The following SEMA5A variants were observed in gnomAD, a reference collection of about 807,000 sequenced individuals.
SEMA5A encodes the protein semaphorin-5A.
SEMA5A carries 55 observed loss-of-function variants against 135.5 expected under a neutral mutation model. The observed-to-expected ratio is 0.41, with a 90% CI of 0.33 to 0.51. The LOEUF is 0.51. Among genes scored for constraint, SEMA5A ranks in the 20% least tolerant of loss-of-function variants. SEMA5A has a pLI of 0.37. For missense variants in SEMA5A, 1,290 were observed against 1,419.9 expected (o/e 0.91, Z 1.47); for synonymous variants, 580 against 546.5 (o/e 1.06, Z -0.85).
At chr5:9,105,727 T>A (rs1259799194) in intron 16 of SEMA5A, among the ~76,000 whole-genome samples, 1 of 152,196 alleles carries the variant, frequency 6.6e-6, no homozygotes, top group Non-Finnish European at 1.5e-5. Context: ...CCTCTTGTTA[T>A]CCAGCCACAC....
At chr5:9,199,821 C>T (rs978411228) in intron 9 of SEMA5A, among the ~76,000 whole-genome samples, 1 of 152,106 alleles carries the variant, frequency 6.6e-6, no homozygotes, top group Non-Finnish European at 1.5e-5. Flanking sequence ...TTAGAGACTC[C>T]ATTGTAGTAG....
At chr5:9,422,990 G>A (rs1757522307) in intron 2 of SEMA5A, among the ~76,000 whole-genome samples, 1 of 152,190 alleles carries the variant, frequency 6.6e-6, no homozygotes, top group Non-Finnish European at 1.5e-5. Flanking sequence ...TTGCAAGCCA[G>A]CGTTAAAGAC....
At chr5:9,538,060 C>G (rs1351195788) in intron 1 of SEMA5A, among the ~76,000 whole-genome samples, 1 of 152,110 alleles carries the variant, frequency 6.6e-6, no homozygotes, top group Non-Finnish European at 1.5e-5. Context: ...TTTTAATACA[C>G]TAAACAGATG....
At chr5:9,531,027 C>A (rs896059512) in intron 1 of SEMA5A, among the ~76,000 whole-genome samples, 7 of 152,154 alleles carry the variant, frequency 4.6e-5, no homozygotes, top group Non-Finnish European at 1.0e-4. Flanking sequence ...ATCCTGACTG[C>A]AAAGTGTTTT....
chr5:9,267,108 G>A (rs1749722211), intron 5 of SEMA5A, among the ~76,000 whole-genome samples: 2 of 151,466 alleles, frequency 1.3e-5, no homozygotes. Flanking sequence ...CAAAACCTTC[G>A]AACAGCTCTC....
intron 11 of SEMA5A, among the ~76,000 whole-genome samples, chr5:9,178,733 G>T (rs1035215521): frequency 5.3e-5 from 8 of 152,224 alleles, no homozygotes; most frequent in South Asian, 2.1e-4. Context: ...TGATATGGAT[G>T]AAGATGGAGG....
At chr5:9,435,295 T>G (rs886095467) in intron 2 of SEMA5A, among the ~76,000 whole-genome samples, 1 of 152,120 alleles carries the variant, frequency 6.6e-6, no homozygotes, top group Non-Finnish European at 1.5e-5. Context: ...AGAAACTATA[T>G]AAAAACCAAA....
intron 1 of SEMA5A, among the ~76,000 whole-genome samples, chr5:9,454,536 G>A (rs2126712453): frequency 6.6e-6 from 1 of 152,294 alleles, no homozygotes. Flanking sequence ...GTACAGAACA[G>A]CCAGTGCTGT....
chr5:9,137,357 G>T (rs1032580371), intron 12 of SEMA5A, among the ~76,000 whole-genome samples: 1 of 152,118 alleles, frequency 6.6e-6, no homozygotes, highest in Non-Finnish European at 1.5e-5. Flanking sequence ...TTTAGATGGC[G>T]GATATTTTCT....
rs571870498 is a variant in SEMA5A, at chr5:9,217,004, G to C, written c.646+7670C>G. Among the ~76,000 whole-genome samples the C allele has an allele frequency of 6.6e-5, 10 of 152,254 alleles. No homozygotes were observed. In the South Asian group the frequency reaches 2.1e-3, roughly 32 times the overall value. ...ATTCAAGATTAGTATTGATATGCAT[G>C]GATTTGATCCTATCATTATGTTGTT... On this transcript the variant is annotated intron_variant, in intron 8 of 22. Coordinates refer to ENST00000382496, the MANE Select transcript of SEMA5A (RefSeq NM_003966.3).
intron 16 of SEMA5A, among the ~76,000 whole-genome samples, chr5:9,068,497 C>T (rs560527139): frequency 1.3e-5 from 2 of 152,112 alleles, no homozygotes; most frequent in South Asian, 4.1e-4. Context: ...CTCACTCTGC[C>T]GTTCTCAGTT....
intron 4 of SEMA5A, among the ~76,000 whole-genome samples, chr5:9,336,753 T>C (rs1158810082): frequency 6.6e-6 from 1 of 152,156 alleles, no homozygotes; most frequent in Non-Finnish European, 1.5e-5. Context: ...TCAATGTTTA[T>C]CTAGAGTGCC....
At chr5:9,403,524 A>G (rs976324894) in intron 2 of SEMA5A, among the ~76,000 whole-genome samples, 2 of 152,190 alleles carry the variant, frequency 1.3e-5, no homozygotes, top group African/African-American at 4.8e-5. Flanking sequence ...ACACTAGCAT[A>G]TTAATTGTAC....
At position 9,182,084 on chromosome 5, in the gene SEMA5A, T is replaced by A. The variant is rs144883844; in HGVS notation, c.1273+8183A>T. On this transcript the variant is annotated intron_variant, in intron 11 of 22. Transcript: ENST00000382496. ...ACCACTGAAAGCCCTGCCTCCCCCA[T>A]CTCATCTTCCTGTTTCGTTTTTTCC... 2.1e-3 allele frequency among the ~76,000 whole-genome samples: 315 copies of A among 151,448 alleles called. 6 individuals are homozygous for A. The highest frequency in any genetic ancestry group is 7.2e-3 in the African/African-American group (296 of 41,286).
At chr5:9,314,290 C>A (rs1752295328) in intron 5 of SEMA5A, among the ~76,000 whole-genome samples, 1 of 150,134 alleles carries the variant, frequency 6.7e-6, no homozygotes, top group Non-Finnish European at 1.5e-5. Flanking sequence ...ACCAGCGATC[C>A]AGAACACTTC....
chr5:9,164,073 T>TA lies in SEMA5A; in HGVS notation c.1274-9379_1274-9378insT, dbSNP rs1491380140. On this transcript the variant is annotated intron_variant, in intron 11 of 22. Transcript: ENST00000382496. Reference sequence around the variant, plus strand: ...ATTTATAATATAAATATTTATATAATTTATATAATTATAAATATATCATAT... The same window carrying TA: ...ATTTATAATATAAATATTTATATAATATTATATAATTATAAATATATCATAT... Among the ~76,000 whole-genome samples, 13 of 20,206 alleles carry TA rather than the reference T, an allele frequency of 6.4e-4. 3 individuals carry two copies. Among genetic ancestry groups the TA allele is most frequent in the African/African-American group, 1.1e-3 (9 of 8,076 alleles). 13.3% of individuals were successfully genotyped at this position (20,206 alleles called of 152,430 possible).
At chr5:9,451,759 T>A (rs1377184146) in intron 1 of SEMA5A, among the ~76,000 whole-genome samples, 1 of 152,056 alleles carries the variant, frequency 6.6e-6, no homozygotes, top group Non-Finnish European at 1.5e-5. Flanking sequence ...ATGAGGAGGG[T>A]AAGAAATGGC....
intron 11 of SEMA5A, among the ~76,000 whole-genome samples, chr5:9,177,689 C>A (rs1310279046): frequency 2.0e-5 from 3 of 152,186 alleles, no homozygotes; most frequent in Admixed American, 1.3e-4. Flanking sequence ...CTAGGAGATG[C>A]AGGCCTGGGC....
intron 5 of SEMA5A, among the ~76,000 whole-genome samples, chr5:9,292,852 G>A (rs758669108): frequency 8.5e-5 from 13 of 152,192 alleles, no homozygotes; most frequent in Non-Finnish European, 1.8e-4. Flanking sequence ...ACTAGTATGT[G>A]TGGGGTGTGC....
Sources: gnomAD v4.1 joint callset for allele counts (sites outside exome capture counted in the v4.1 genomes callset) on GRCh38, gnomAD v4.1.1 for gene constraint, MANE v1.5 for transcripts, NCBI Gene and HGNC (gene_info 2026-07-23, HGNC 2026-07-21) for gene names.